The following RUFY3 variants were observed in gnomAD, a reference collection of about 807,000 sequenced individuals.
RUFY3 encodes the protein RUN and FYVE domain containing 3, also known as protein RUFY3.
Under a neutral mutation model 84.0 loss-of-function variants are expected in RUFY3, and 34 were observed. That is an observed-to-expected ratio of 0.40 (90% CI 0.31 to 0.54). RUFY3 has a LOEUF of 0.54. Among genes scored for constraint, RUFY3 ranks in the 20% least tolerant of loss-of-function variants. The pLI is 0.39. For synonymous variants in RUFY3, 242 were observed against 252.9 expected, an observed-to-expected ratio of 0.96 and a Z score of 0.41; for missense variants, 507 against 736.8, an observed-to-expected ratio of 0.69 and a Z score of 3.61.
At chr4:70,790,905 A>G (rs1578233398) in intron 12 of RUFY3, among the ~76,000 whole-genome samples, 1 of 152,306 alleles carries the variant, frequency 6.6e-6, no homozygotes, top group South Asian at 2.1e-4. Flanking sequence ...AAATTTATAA[A>G]TAAACCTGAA....
intron 4 of RUFY3, among the ~76,000 whole-genome samples, chr4:70,767,231 G>T (rs1175202371): frequency 6.7e-6 from 1 of 148,838 alleles, no homozygotes; most frequent in Non-Finnish European, 1.5e-5. Flanking sequence ...GATTACAGGC[G>T]TGTGCCACCA....
At chr4:70,753,286 A>T (rs1169874874) in intron 1 of RUFY3, among the ~76,000 whole-genome samples, 2 of 152,044 alleles carry the variant, frequency 1.3e-5, no homozygotes, top group Non-Finnish European at 2.9e-5. Flanking sequence ...TCCCTTTTCT[A>T]CTGATCAGTC....
chr4:70,727,173 G>A (rs1033160638), intron 1 of RUFY3, among the ~76,000 whole-genome samples: 2 of 150,380 alleles, frequency 1.3e-5, no homozygotes, highest in Non-Finnish European at 3.0e-5. Context: ...GAAGCAGAAC[G>A]CTTCAGTTAG....
chr4:70,731,766 C>G (rs912309484), intron 1 of RUFY3, among the ~76,000 whole-genome samples: 4 of 152,088 alleles, frequency 2.6e-5, no homozygotes, highest in African/African-American at 9.7e-5. Flanking sequence ...CAGGGTTTTG[C>G]CATGTTGGCC....
intron 1 of RUFY3, among the ~76,000 whole-genome samples, chr4:70,727,638 T>C (rs1457040026): frequency 2.6e-5 from 4 of 151,520 alleles, no homozygotes; most frequent in South Asian, 2.1e-4. Flanking sequence ...TTACAAAAAA[T>C]TAGCTGGGCG....
intron 10 of RUFY3, among the ~76,000 whole-genome samples, 172 bp from the exon 11 acceptor site, chr4:70,788,631 ATTG>A (rs1339663432): frequency 2.0e-5 from 3 of 152,074 alleles, no homozygotes; most frequent in African/African-American, 4.8e-5. Context: ...CCTAATTATT[ATTG>A]TTAATTATTA....
chr4:70,762,493 T>G, intron 1 of RUFY3, 26 bp from the exon 2 acceptor site: 1 of 1,584,162 alleles, frequency 6.3e-7, no homozygotes. Flanking sequence ...GTAACCAGCC[T>G]TCATCTTCTT....
rs778346957 is a variant in RUFY3, at chr4:70,733,137, G to GGA, written c.178+10415_178+10416dup. The stretch of plus-strand genomic sequence containing the variant: ...GAGAGAGAGGGAGGGAGGGAGGGAG[G>GGA]GAGAGAGAGAGAGAGAGAGAGAGAG... On this transcript the variant is annotated intron_variant, in intron 1 of 17. Coordinates refer to ENST00000381006, the MANE Select transcript of RUFY3 (RefSeq NM_001037442.4). 6.2e-3 allele frequency among the ~76,000 whole-genome samples: 541 copies of GGA among 86,586 alleles called. 3 individuals are homozygous for GGA. The highest frequency in any genetic ancestry group is 0.017 in the Middle Eastern group (2 of 116). The allele number at this position is 86,586 out of a possible 152,430, so 56.8% of individuals were successfully genotyped here. A position where few individuals can be genotyped will look rare whatever the true frequency, so the allele number is the denominator to read the frequency against.
chr4:70,729,881 A>ACACAAG (rs1274786701), intron 1 of RUFY3, among the ~76,000 whole-genome samples: 2,951 of 151,360 alleles, frequency 0.019, 111 homozygotes, highest in African/African-American at 0.068. Flanking sequence ...AAAATAATTG[A>ACACAAG]TTAAAAATCC....
At chr4:70,757,385 AC>A (rs1043118347) in intron 1 of RUFY3, among the ~76,000 whole-genome samples, 12 of 152,238 alleles carry the variant, frequency 7.9e-5, no homozygotes, top group Admixed American at 2.0e-4. Context: ...CAGGTGGATC[AC>A]CTGAGGTCAG....
intron 1 of RUFY3, among the ~76,000 whole-genome samples, chr4:70,729,874 ATAAT>A (rs1028140673): frequency 7.3e-5 from 11 of 151,552 alleles, no homozygotes; most frequent in Non-Finnish European, 1.6e-4. Flanking sequence ...AAATAAGAAA[ATAAT>A]TGATTAAAAA....
At chr4:70,721,500 A>G (rs1004959424), upstream of RUFY3, among the ~76,000 whole-genome samples, 10 of 152,128 alleles carry the variant, frequency 6.6e-5, no homozygotes, top group Non-Finnish European at 1.2e-4. Context: ...GCCCAAGAAT[A>G]AGATATTTAA....
At chr4:70,786,919 C>T (rs2148786610) in intron 10 of RUFY3, among the ~76,000 whole-genome samples, 1 of 152,048 alleles carries the variant, frequency 6.6e-6, no homozygotes, top group South Asian at 2.1e-4. Flanking sequence ...CGCCATGGCT[C>T]ACACCTGTAA....
chr4:70,713,618 T>C (rs924736848), intron 1 of RUFY3, among the ~76,000 whole-genome samples: 4 of 152,198 alleles, frequency 2.6e-5, no homozygotes, highest in Non-Finnish European at 5.9e-5. Context: ...AAGGAGAGCC[T>C]GGCAGGCCAA....
chr4:70,765,976 T>TG (rs1430751928), intron 4 of RUFY3, among the ~76,000 whole-genome samples: 1 of 152,064 alleles, frequency 6.6e-6, no homozygotes, highest in African/African-American at 2.4e-5. Flanking sequence ...TTGGCCAGGA[T>TG]GGTCTCGATC....
At chr4:70,791,620 T>A in intron 12 of RUFY3, 1 of 1,109,874 alleles carries the variant, frequency 9.0e-7, no homozygotes, top group South Asian at 2.9e-5. Context: ...TCTGTACATA[T>A]ACTAATGATG....
At chr4:70,765,209 G>GTGTGTATATA (rs144995233) in intron 4 of RUFY3, among the ~76,000 whole-genome samples, 1,477 of 137,196 alleles carry the variant, frequency 0.011, 41 homozygotes, top group African/African-American at 0.037. Context: ...AAAAAAATGT[G>GTGTGTATATA]TATATATATA....
rs527836249 is a variant in RUFY3 at position 70,808,112 on chromosome 4, C to T, written c.*1453C>T. ...ACTTATACCTAATAAAATACCTACA[C>T]ATCACTTCATTTGCATGGATTCAAC... On this transcript the variant is annotated 3_prime_UTR_variant, in exon 18 of 18. Coordinates refer to ENST00000381006, the MANE Select transcript of RUFY3 (RefSeq NM_001037442.4). 1.1e-4 allele frequency among the ~76,000 whole-genome samples: 17 copies of T among 152,298 alleles called. No individual in the cohort carries two copies. Among genetic ancestry groups the T allele is most frequent in the African/African-American group, 1.7e-4 (7 of 41,572 alleles).
chr4:70,741,018 G>A lies in RUFY3; in HGVS notation c.178+18267G>A, dbSNP rs1721235122. 2.0e-5 allele frequency among the ~76,000 whole-genome samples: 3 copies of A among 152,074 alleles called. No individual in the cohort carries two copies. In the South Asian group the frequency reaches 6.2e-4, roughly 32 times the overall value. ...TGCTTGATTGTAGGTTACTGCCTCA[G>A]ATCCTGCTAGTTCTGTATGGTGAAT... On this transcript the variant is annotated intron_variant, in intron 1 of 17. Coordinates refer to ENST00000381006, the MANE Select transcript of RUFY3 (RefSeq NM_001037442.4).
Sources: gnomAD v4.1 joint callset for allele counts (sites outside exome capture counted in the v4.1 genomes callset) on GRCh38, gnomAD v4.1.1 for gene constraint, MANE v1.5 for transcripts, NCBI Gene and HGNC (gene_info 2026-07-23, HGNC 2026-07-21) for gene names.